The following SCUBE1 variants were observed in gnomAD, a reference collection of about 807,000 sequenced individuals.
SCUBE1 encodes the protein signal peptide, CUB and EGF-like domain-containing protein 1.
Under a neutral mutation model 124.4 loss-of-function variants are expected in SCUBE1, and 59 were observed. The observed-to-expected ratio is 0.47, with a 90% CI of 0.38 to 0.59. The LOEUF (loss-of-function observed/expected upper bound fraction) is 0.59. Among genes scored for constraint, SCUBE1 ranks in the 20% least tolerant of loss-of-function variants. The pLI, the probability that SCUBE1 is intolerant of heterozygous loss-of-function variation, is 0.00. For synonymous variants in SCUBE1, 545 were observed against 550.9 expected (o/e 0.99, Z 0.15); for missense variants, 1,150 against 1,371.2 (o/e 0.84, Z 2.55).
In SCUBE1 at chr22:43,255,438, A is replaced by C; in HGVS notation, c.727+2781T>G. ...GCGCACCCGAGACACACATGTGCAC[A>C]CACACACACAAGTGCAAGTACGACA... On this transcript the variant is annotated intron_variant, in intron 6 of 21. Coordinates refer to ENST00000360835, the MANE Select transcript of SCUBE1 (RefSeq NM_173050.5). The surrounding 1 kb of genome is among the most constrained non-coding windows in gnomAD (Gnocchi z 4.7). 6.8e-7 allele frequency: 1 copy of C among 1,461,236 alleles called. No homozygotes were observed. Among genetic ancestry groups the C allele is most frequent in the Non-Finnish European group, 9.4e-7 (1 of 1,065,668 alleles). 90.5% of individuals were successfully genotyped at this position (1,461,236 alleles called of 1,614,324 possible).
rs888829102 is a variant in SCUBE1, at chr22:43,201,057, A to C, written c.*2940T>G. The C allele has an allele frequency of 2.0e-5, 3 of 152,200 alleles. No homozygotes were observed. The highest frequency in any genetic ancestry group is 2.9e-5 in the Non-Finnish European group (2 of 68,056). The allele number at this position is 152,200 out of a possible 1,614,324, so 9.4% of individuals were successfully genotyped here. ...GGTGGCTCACGCCTGTAATCCCAGC[A>C]CTTTGGGAGGCCGAGGTGGGCGGAT... is the stretch of plus-strand genomic sequence containing the variant. On this transcript the variant is annotated 3_prime_UTR_variant, in exon 22 of 22. Transcript: ENST00000360835.
intron 4 of SCUBE1, among the ~76,000 whole-genome samples, chr22:43,264,905 C>T (rs930913442): frequency 2.0e-5 from 3 of 152,280 alleles, no homozygotes; most frequent in Non-Finnish European, 4.4e-5. Flanking sequence ...CTCCCTGTGT[C>T]TCCCCATGCC....
At chr22:43,304,103 G>T (rs1013930391) in intron 3 of SCUBE1, among the ~76,000 whole-genome samples, 34 of 152,330 alleles carry the variant, frequency 2.2e-4, no homozygotes, top group African/African-American at 7.9e-4. Context: ...CTCCCCAGAA[G>T]TGGGATTCCT....
intron 3 of SCUBE1, among the ~76,000 whole-genome samples, chr22:43,314,727 G>A (rs1032142688): frequency 4.6e-5 from 7 of 152,158 alleles, no homozygotes; most frequent in African/African-American, 1.4e-4. Flanking sequence ...GTCATGGTGT[G>A]GGGTGGAGCC....
intron 2 of SCUBE1, among the ~76,000 whole-genome samples, chr22:43,324,655 C>G (rs1285694208): frequency 6.6e-6 from 1 of 151,894 alleles, no homozygotes; most frequent in African/African-American, 2.4e-5. Context: ...AAAAACATAT[C>G]CAGGAGTCGC....
In SCUBE1 at chr22:43,257,156, G is replaced by A. The variant is rs147175031; in HGVS notation, c.727+1063C>T. On this transcript the variant is annotated intron_variant, in intron 6 of 21. Transcript: ENST00000360835. ...AGAGGTGACAGCCTGGTGCCCGCTC[G>A]GGCCCTGCTCCCTGAGACCCAAGGG... Among the ~76,000 whole-genome samples, 312 of 152,328 alleles carry A rather than the reference G, an allele frequency of 2.0e-3. 1 individual carries two copies. Among genetic ancestry groups the A allele is most frequent in the East Asian group, 7.7e-3 (40 of 5,186 alleles).
intron 4 of SCUBE1, among the ~76,000 whole-genome samples, chr22:43,278,688 C>T (rs552520303): frequency 1.3e-5 from 2 of 152,148 alleles, no homozygotes; most frequent in Non-Finnish European, 2.9e-5. Context: ...TGGTGCAGGG[C>T]AAAAAGAACT....
chr22:43,224,669 C>A (rs185721172), intron 10 of SCUBE1, among the ~76,000 whole-genome samples: 2 of 152,250 alleles, frequency 1.3e-5, no homozygotes, highest in South Asian at 2.1e-4. Flanking sequence ...TCTGCCAACA[C>A]GTGAAAGGAG....
Position 43,203,661 on chromosome 22 carries a change from C to A in SCUBE1, c.*336G>T, listed in dbSNP as rs1486065028. 1 of 226,608 alleles carries A rather than the reference C, an allele frequency of 4.4e-6. No homozygotes were observed. Among genetic ancestry groups the A allele is most frequent in the Admixed American group, 5.3e-5 (1 of 18,908 alleles). The allele number at this position is 226,608 out of a possible 1,614,324, so 14.0% of individuals were successfully genotyped here. A position where few individuals can be genotyped will look rare whatever the true frequency, so the allele number is the denominator to read the frequency against. ...TGACCACGCCTCCCAGAGCACAGGC[C>A]CCACTTCCCCTCTCTCCTGAAACGC... On this transcript the variant is annotated 3_prime_UTR_variant, in exon 22 of 22. Transcript: ENST00000360835.
intron 4 of SCUBE1, among the ~76,000 whole-genome samples, chr22:43,287,196 C>T (rs183910164): frequency 1.3e-5 from 2 of 152,294 alleles, no homozygotes; most frequent in Non-Finnish European, 2.9e-5. Flanking sequence ...CAGATTCCAA[C>T]ATCTCGGACT....
intron 3 of SCUBE1, among the ~76,000 whole-genome samples, chr22:43,309,177 T>G (rs1032533845): frequency 2.6e-5 from 4 of 152,040 alleles, no homozygotes; most frequent in Non-Finnish European, 4.4e-5. Flanking sequence ...GTTCTGGCTT[T>G]GCACACTAGG....
At chr22:43,315,672 CAG>C in intron 3 of SCUBE1, among the ~76,000 whole-genome samples, 1 of 138,832 alleles carries the variant, frequency 7.2e-6, no homozygotes, top group African/African-American at 2.7e-5. Context: ...AGAGGAGCAA[CAG>C]AGAGAGCCTT....
At chr22:43,227,353 C>G (rs751759173) in intron 10 of SCUBE1, 21 bp downstream of exon 10, 1 of 1,601,990 alleles carries the variant, frequency 6.2e-7, no homozygotes, top group East Asian at 2.2e-5. Flanking sequence ...GAGGGGCCAG[C>G]AGCACAGGGC....
rs1403963655 is a variant in SCUBE1 at position 43,214,495 on chromosome 22, T to A, written c.1892-244A>T. On this transcript the variant is annotated intron_variant, in intron 15 of 21. Transcript: ENST00000360835. Reference sequence around the variant, plus strand: ...CACCTCAGAGTCCTCTGTGGACCCCTCCATCTCCACCCGCTTATAGAAGCC... The same window carrying A: ...CACCTCAGAGTCCTCTGTGGACCCCACCATCTCCACCCGCTTATAGAAGCC... Among the ~76,000 whole-genome samples, 5 of 152,138 alleles carry A rather than the reference T, an allele frequency of 3.3e-5. No individual in the cohort carries two copies. The East Asian group carries it at 9.7e-4, about 29-fold the overall frequency.
At chr22:43,212,663 G>A (rs1921620368) in intron 16 of SCUBE1, 71 bp from the exon 17 acceptor site, 2 of 1,468,760 alleles carry the variant, frequency 1.4e-6, no homozygotes, top group African/African-American at 2.8e-5. Context: ...GTGGTCTCAG[G>A]CCCCGCTCTT....
Position 43,255,989 on chromosome 22 carries a change from G to A in SCUBE1, c.727+2230C>T, listed in dbSNP as rs1351797157. On this transcript the variant is annotated intron_variant, in intron 6 of 21. Coordinates refer to ENST00000360835, the MANE Select transcript of SCUBE1 (RefSeq NM_173050.5). The surrounding 1 kb of genome is among the most constrained non-coding windows in gnomAD (Gnocchi z 4.7). ...ACAGACCCCCGTGGCTCAGGCTGGAGAGGCAGGCACAGGACAAGGCACAGG... is the reference window on the plus strand; with the variant it reads ...ACAGACCCCCGTGGCTCAGGCTGGAAAGGCAGGCACAGGACAAGGCACAGG... Among the ~76,000 whole-genome samples, 1 of 152,208 alleles carries A rather than the reference G, an allele frequency of 6.6e-6. No homozygotes were observed. Among genetic ancestry groups the A allele is most frequent in the African/African-American group, 2.4e-5 (1 of 41,460 alleles).
chr22:43,203,856 C>T lies in SCUBE1; in HGVS notation c.*141G>A. 1.2e-6 allele frequency: 1 copy of T among 863,138 alleles called. No individual in the cohort carries two copies. The highest frequency in any genetic ancestry group is 1.8e-6 in the Non-Finnish European group (1 of 565,872). 53.5% of individuals were successfully genotyped at this position (863,138 alleles called of 1,614,324 possible). A position where few individuals can be genotyped will look rare whatever the true frequency, so the allele number is the denominator to read the frequency against. On this transcript the variant is annotated 3_prime_UTR_variant, in exon 22 of 22. Transcript: ENST00000360835. ...GGTCCGAAGGGTGCCTGGGCTCGGT[C>T]TCCATGGGCTGGTCGGCTTCCCTGA...
At chr22:43,319,091 A>G (rs1295752156) in intron 3 of SCUBE1, among the ~76,000 whole-genome samples, 2 of 152,182 alleles carry the variant, frequency 1.3e-5, no homozygotes, top group African/African-American at 2.4e-5. Context: ...ATATAAAATC[A>G]TGGGCCAAAT....
intron 3 of SCUBE1, among the ~76,000 whole-genome samples, chr22:43,301,261 T>C (rs1925760520): frequency 6.6e-6 from 1 of 152,092 alleles, no homozygotes; most frequent in Non-Finnish European, 1.5e-5. Context: ...GCCTCCATCC[T>C]GCCTCTGTCC....
Sources: allele counts gnomAD v4.1 joint callset (sites outside exome capture counted in the v4.1 genomes callset), GRCh38; gene constraint gnomAD v4.1.1; non-coding constraint Gnocchi (gnomAD v3.1); transcripts MANE v1.5; gene names NCBI Gene and HGNC (gene_info 2026-07-23, HGNC 2026-07-21).